Variants in FAM135B observed in about 807,000 individuals in gnomAD.
FAM135B encodes family with sequence similarity 135 member B.
In FAM135B, 43 loss-of-function variants were observed where a neutral mutation model predicts 127.7. That is an observed-to-expected ratio of 0.34 (90% CI 0.26 to 0.43). The LOEUF is 0.43. Among genes scored for constraint, FAM135B ranks in the 20% least tolerant of loss-of-function variants. FAM135B has a pLI of 1.00. For missense variants in FAM135B, 1,558 were observed against 1,725.6 expected, an observed-to-expected ratio of 0.90 and a Z score of 1.72; for synonymous variants, 670 against 665.1, an observed-to-expected ratio of 1.01 and a Z score of -0.11.
rs572399697 is a variant in FAM135B at position 138,241,123 on chromosome 8, G to A, written c.669+1819C>T. On this transcript the variant is annotated intron_variant, in intron 7 of 19. Coordinates refer to ENST00000395297, the MANE Select transcript of FAM135B (RefSeq NM_015912.4). This position sits in a 1 kb window ranked among gnomAD's most constrained non-coding sequence, Gnocchi z 4.8. ...GAACTGTGATGTAGTCACAGCAAAG[G>A]CTTCGGCCGACCACGGGGAGCTTTG... is the stretch of plus-strand genomic sequence containing the variant. Among the ~76,000 whole-genome samples, 193 of 152,292 alleles carry A rather than the reference G, an allele frequency of 1.3e-3. 2 individuals carry two copies. The highest frequency in any genetic ancestry group is 3.4e-3 in the Middle Eastern group (1 of 294).
chr8:138,226,842 G>A (rs1053583056), intron 7 of FAM135B, among the ~76,000 whole-genome samples: 1 of 152,074 alleles, frequency 6.6e-6, no homozygotes, highest in Non-Finnish European at 1.5e-5. Context: ...GATTAAAGGC[G>A]TGTGCCACCA....
rs2130689621 is a variant in FAM135B, at chr8:138,148,562, C to T, written c.3406G>A (p.Glu1136Lys). The change falls in exon 14 of 20, where the codon GAA becomes AAA. Residue 1136 changes from glutamate to lysine, a missense_variant. Around this residue, in one of 5 missense-constraint regions of FAM135B, gnomAD observed 923 missense variants for 865.3 expected, o/e 1.07. Transcript: ENST00000395297. ...FPPEEEEENL[E>K]DGIHLVVCVH... Reference sequence around the variant, plus strand: ...CAGACAACCAGGTGAATTCCATCTTCCAAATTTTCTTCCTCTTCCTCTGGT... The same window carrying T: ...CAGACAACCAGGTGAATTCCATCTTTCAAATTTTCTTCCTCTTCCTCTGGT... The T allele has an allele frequency of 1.9e-6, 3 of 1,614,060 alleles. No individual in the cohort carries two copies. The highest frequency in any genetic ancestry group is 2.5e-6 in the Non-Finnish European group (3 of 1,179,952).
chr8:138,206,226 T>C (rs868799384), intron 7 of FAM135B, among the ~76,000 whole-genome samples: 3,557 of 149,166 alleles, frequency 0.024, 231 homozygotes, highest in African/African-American at 0.083. Flanking sequence ...CCCCTCCACC[T>C]ACACACAGCT....
intron 1 of FAM135B, among the ~76,000 whole-genome samples, chr8:138,475,343 T>A (rs1814358995): frequency 1.3e-5 from 2 of 152,184 alleles, no homozygotes; most frequent in South Asian, 4.1e-4. Context: ...ATCTCATGAA[T>A]TCAGCTACAA....
At chr8:138,221,404 C>T (rs966139741) in intron 7 of FAM135B, among the ~76,000 whole-genome samples, 4 of 152,112 alleles carry the variant, frequency 2.6e-5, no homozygotes, top group Non-Finnish European at 5.9e-5. Flanking sequence ...AGAACTCTGC[C>T]CTCATGATCC....
intron 12 of FAM135B, among the ~76,000 whole-genome samples, chr8:138,165,732 A>T (rs1819852999): frequency 6.6e-6 from 1 of 152,206 alleles, no homozygotes; most frequent in South Asian, 2.1e-4. Flanking sequence ...GCAAACACAC[A>T]TACATACATG....
At chr8:138,416,991 C>T (rs544803600) in intron 1 of FAM135B, among the ~76,000 whole-genome samples, 19 of 152,256 alleles carry the variant, frequency 1.2e-4, no homozygotes, top group African/African-American at 4.1e-4. Context: ...TCCACAACCC[C>T]GATGGACATT....
At chr8:138,472,366 T>A (rs1837730786) in intron 1 of FAM135B, among the ~76,000 whole-genome samples, 2 of 152,076 alleles carry the variant, frequency 1.3e-5, no homozygotes, top group Admixed American at 1.3e-4. Flanking sequence ...GTAGGGAGGA[T>A]CTGGCCTTAG....
chr8:138,411,845 A>G (rs529554012), intron 1 of FAM135B, among the ~76,000 whole-genome samples: 6 of 152,324 alleles, frequency 3.9e-5, no homozygotes, highest in East Asian at 3.9e-4. Context: ...TGGACTGAAT[A>G]AAGAAAATGT....
Position 138,242,897 on chromosome 8 carries a change from G to A in FAM135B, c.669+45C>T. 1 of 1,586,714 alleles carries A rather than the reference G, an allele frequency of 6.3e-7. No homozygotes were observed. The highest frequency in any genetic ancestry group is 8.6e-7 in the Non-Finnish European group (1 of 1,168,430). On this transcript the variant is annotated intron_variant, in intron 7 of 19. Coordinates refer to ENST00000395297, the MANE Select transcript of FAM135B (RefSeq NM_015912.4). This position sits in a 1 kb window ranked among gnomAD's most constrained non-coding sequence, Gnocchi z 9.6. ...TCTCATAGAACATACACTCTGCAAA[G>A]TAAAGTTTGAAAGTTTTGAAGCAAC...
At chr8:138,144,515 A>G (rs570699530) in intron 15 of FAM135B, 2 of 78,258 alleles carry the variant, frequency 2.6e-5, no homozygotes, top group South Asian at 4.5e-4. Context: ...AATTCAACAT[A>G]TACATTATTT....
intron 1 of FAM135B, among the ~76,000 whole-genome samples, chr8:138,477,928 C>T (rs1041816858): frequency 1.3e-5 from 2 of 152,144 alleles, no homozygotes; most frequent in Admixed American, 6.5e-5. Flanking sequence ...CAGAAAAAGA[C>T]AGACATACAG....
chr8:138,136,620 A>C (rs1816687800), intron 19 of FAM135B, among the ~76,000 whole-genome samples: 2 of 152,200 alleles, frequency 1.3e-5, no homozygotes, highest in South Asian at 4.1e-4. Context: ...AAATTAACCA[A>C]AGGAAACCAC....
At chr8:138,392,608 CAA>C (rs1832641851) in intron 1 of FAM135B, among the ~76,000 whole-genome samples, 1 of 152,010 alleles carries the variant, frequency 6.6e-6, no homozygotes, top group South Asian at 2.1e-4. Flanking sequence ...GAAAAAAGAA[CAA>C]TGCTTTAGAA....
chr8:138,495,682 C>A (rs1408285103), intron 1 of FAM135B, among the ~76,000 whole-genome samples: 3 of 152,168 alleles, frequency 2.0e-5, no homozygotes, highest in African/African-American at 4.8e-5. Flanking sequence ...GGGCCCTGGT[C>A]CCAGCTGATC....
rs746321792 is a variant in FAM135B at position 138,141,295 on chromosome 8, G to A, written c.3693C>T (p.Pro1231=). 2 of 1,614,138 alleles carry A rather than the reference G, an allele frequency of 1.2e-6. No homozygotes were observed. Among genetic ancestry groups the A allele is most frequent in the Non-Finnish European group, 1.7e-6 (2 of 1,180,020 alleles). Residue 1231 remains proline, a synonymous_variant, in exon 17 of 20, where the codon CCC becomes CCT. Transcript: ENST00000395297. This position sits in a 1 kb window ranked among gnomAD's most constrained non-coding sequence, Gnocchi z 4.7. ...GTTTGTTGAGGTAATACCGGAACCGGGGCCGTGTGAGGACCGATCGGATGA... is the reference window on the plus strand; with the variant it reads ...GTTTGTTGAGGTAATACCGGAACCGAGGCCGTGTGAGGACCGATCGGATGA... ...NIIIRSVLTR[P]RFRYYLNKLH...
At chr8:138,259,358 C>A (rs1260484886) in intron 4 of FAM135B, among the ~76,000 whole-genome samples, 2 of 152,194 alleles carry the variant, frequency 1.3e-5, no homozygotes, top group Non-Finnish European at 2.9e-5. Context: ...TTAGTTCTAT[C>A]ATTTCATATC....
chr8:138,360,244 C>T (rs1344218500), intron 2 of FAM135B, among the ~76,000 whole-genome samples: 1 of 152,140 alleles, frequency 6.6e-6, no homozygotes, highest in African/African-American at 2.4e-5. Context: ...TTTCAGCTAA[C>T]AATATTAGAA....
intron 1 of FAM135B, chr8:138,450,583 T>A (rs1836431434): frequency 6.6e-6 from 1 of 152,228 alleles, no homozygotes; most frequent in Admixed American, 6.5e-5. Flanking sequence ...TTCATTTACA[T>A]TTATCTGATA....
Sources: gnomAD v4.1 joint callset for allele counts (sites outside exome capture counted in the v4.1 genomes callset) on GRCh38, gnomAD v4.1.1 for gene constraint, gnomAD v4.1.1 regional missense constraint, Gnocchi (gnomAD v3.1) non-coding constraint, MANE v1.5 for transcripts, NCBI Gene and HGNC (gene_info 2026-07-23, HGNC 2026-07-21) for gene names.